The following FAM107B variants were observed in gnomAD, a reference collection of about 807,000 sequenced individuals.
FAM107B encodes protein FAM107B.
FAM107B carries 21 observed loss-of-function variants against 31.5 expected under a neutral mutation model. That is an observed-to-expected ratio of 0.67 (90% CI 0.47 to 0.96). FAM107B has a LOEUF of 0.96. Ranked by LOEUF, FAM107B falls within the 40% of genes least tolerant of loss-of-function variation. The probability of loss-of-function intolerance (pLI) is 0.00; values close to 1 mark genes in which losing one functional copy is unlikely to be tolerated. For synonymous variants in FAM107B, 157 were observed against 141.5 expected, an observed-to-expected ratio of 1.11 and a Z score of -0.78; for missense variants, 452 against 377.1, an observed-to-expected ratio of 1.20 and a Z score of -1.64.
chr10:14,708,389 G>A (rs752598737), intron 1 of FAM107B, among the ~76,000 whole-genome samples: 3 of 152,036 alleles, frequency 2.0e-5, no homozygotes, highest in Non-Finnish European at 4.4e-5. Context: ...CCCACCTTAG[G>A]AGGACTGAAC....
intron 1 of FAM107B, among the ~76,000 whole-genome samples, chr10:14,734,488 G>GTGTTTTTTTTTTTTGTTTTTTTT (rs558940939): frequency 7.2e-6 from 1 of 138,546 alleles, no homozygotes; most frequent in African/African-American, 2.7e-5. Context: ...TTTTTGTGAG[G>GTGTTTTTTTTTTTTGTTTTTTTT]TTTTTTTTTT....
intron 1 of FAM107B, among the ~76,000 whole-genome samples, chr10:14,689,379 CAAA>C: frequency 7.8e-6 from 1 of 128,692 alleles, no homozygotes; most frequent in African/African-American, 2.9e-5. Flanking sequence ...GACCCTATCT[CAAA>C]AAAAAAAAAA....
intron 1 of FAM107B, among the ~76,000 whole-genome samples, chr10:14,759,837 G>T (rs1300149040): frequency 6.6e-6 from 1 of 151,714 alleles, no homozygotes; most frequent in Non-Finnish European, 1.5e-5. Context: ...TCAGCCTCCC[G>T]AGTGTCTGCG....
At chr10:14,557,994 T>C (rs1202739966) in intron 2 of FAM107B, among the ~76,000 whole-genome samples, 1 of 152,256 alleles carries the variant, frequency 6.6e-6, no homozygotes, top group Non-Finnish European at 1.5e-5. Flanking sequence ...CTGTTTAAAA[T>C]GTTTTTAGAA....
intron 2 of FAM107B, among the ~76,000 whole-genome samples, chr10:14,609,695 C>T (rs75301975): frequency 0.01 from 1,576 of 152,296 alleles, 34 homozygotes; most frequent in Non-Finnish European, 0.011. Context: ...TCTGCAAAAT[C>T]CCATCACAGC....
rs1052577837 is a variant in FAM107B, at chr10:14,759,744, C to A, written c.411+14509G>T. 1.6e-4 allele frequency among the ~76,000 whole-genome samples: 24 copies of A among 152,006 alleles called. No homozygotes were observed. The East Asian group carries it at 4.2e-3, about 27-fold the overall frequency. The stretch of plus-strand genomic sequence containing the variant: ...TCTTTTTTTTTAGATGGAGTCTCAC[C>A]TCTGCTGTGCAGGTTGGAGTGCAGT... On this transcript the variant is annotated intron_variant, in intron 1 of 4. Coordinates refer to ENST00000181796, the MANE Select transcript of FAM107B (RefSeq NM_031453.4).
intron 2 of FAM107B, chr10:14,653,848 G>C (rs1030040872): frequency 6.6e-6 from 1 of 152,240 alleles, no homozygotes; most frequent in Non-Finnish European, 1.5e-5. Context: ...GACCCCACAC[G>C]ATCTTACCTG....
At chr10:14,663,244 C>T (rs1854295736) in intron 2 of FAM107B, among the ~76,000 whole-genome samples, 1 of 152,200 alleles carries the variant, frequency 6.6e-6, no homozygotes, top group African/African-American at 2.4e-5. Context: ...TATTGTGGGA[C>T]CTCACCTTGT....
chr10:14,752,037 GTGA>G (rs1832838446), intron 1 of FAM107B, among the ~76,000 whole-genome samples: 1 of 152,168 alleles, frequency 6.6e-6, no homozygotes, highest in Admixed American at 6.5e-5. Flanking sequence ...TTTCCCTATT[GTGA>G]TATTTACTGG....
intron 2 of FAM107B, among the ~76,000 whole-genome samples, chr10:14,583,086 CAAA>C (rs60205603): frequency 8.9e-5 from 5 of 56,358 alleles, no homozygotes; most frequent in Admixed American, 3.9e-4. Flanking sequence ...GACTCTGTCT[CAAA>C]AAAAAAAAAA....
intron 1 of FAM107B, among the ~76,000 whole-genome samples, chr10:14,773,806 C>T (rs988880756): frequency 4.6e-5 from 7 of 152,124 alleles, no homozygotes; most frequent in African/African-American, 1.7e-4. Flanking sequence ...GCTTTGATAT[C>T]ATGTGATTCA....
In FAM107B at chr10:14,696,982, C is replaced by G. The variant is rs146770243; in HGVS notation, c.412-29291G>C. On this transcript the variant is annotated intron_variant, in intron 1 of 4. Transcript: ENST00000181796. Reference sequence around the variant, plus strand: ...TCAACTGTGTCCCCAACCCCCACTACTACGCAACCAGGCCTAACAACTTTA... The same window carrying G: ...TCAACTGTGTCCCCAACCCCCACTAGTACGCAACCAGGCCTAACAACTTTA... 3.4e-3 allele frequency among the ~76,000 whole-genome samples: 525 copies of G among 152,278 alleles called. 5 individuals carry two copies. The highest frequency in any genetic ancestry group is 0.012 in the African/African-American group (492 of 41,554).
chr10:14,548,637 C>A, intron 2 of FAM107B: 1 of 985,442 alleles, frequency 1.0e-6, no homozygotes, highest in Non-Finnish European at 1.2e-6. Flanking sequence ...TCTCCAGCTG[C>A]GAAGGCAGGC....
intron 1 of FAM107B, among the ~76,000 whole-genome samples, chr10:14,686,031 C>G (rs147705008): frequency 6.6e-6 from 1 of 152,052 alleles, no homozygotes; most frequent in African/African-American, 2.4e-5. Context: ...GGGGACCCCA[C>G]CCCCCTGATT....
At chr10:14,765,964 G>A (rs1346486535) in intron 1 of FAM107B, among the ~76,000 whole-genome samples, 1 of 152,204 alleles carries the variant, frequency 6.6e-6, no homozygotes, top group Non-Finnish European at 1.5e-5. Flanking sequence ...GTAGGATGAT[G>A]GGTGATGGGT....
chr10:14,564,773 C>T (rs1850523965), intron 2 of FAM107B, among the ~76,000 whole-genome samples: 1 of 152,208 alleles, frequency 6.6e-6, no homozygotes, highest in African/African-American at 2.4e-5. Context: ...TTTCTAATTA[C>T]TAACAATCCA....
chr10:14,752,260 G>T (rs1832844054), intron 1 of FAM107B, among the ~76,000 whole-genome samples: 1 of 152,192 alleles, frequency 6.6e-6, no homozygotes, highest in South Asian at 2.1e-4. Context: ...TGACTTGAGG[G>T]CTTCTCCCCT....
At chr10:14,560,336 C>T (rs1372992460) in intron 2 of FAM107B, among the ~76,000 whole-genome samples, 3 of 151,952 alleles carry the variant, frequency 2.0e-5, no homozygotes, top group Non-Finnish European at 4.4e-5. Flanking sequence ...AAAAACTAAA[C>T]CAAGATACAT....
At chr10:14,609,034 T>C (rs1192097750) in intron 2 of FAM107B, among the ~76,000 whole-genome samples, 1 of 152,252 alleles carries the variant, frequency 6.6e-6, no homozygotes, top group East Asian at 1.9e-4. Context: ...ACATTGGTAT[T>C]GGCCTCATGG....
Sources: allele counts gnomAD v4.1 joint callset (sites outside exome capture counted in the v4.1 genomes callset), GRCh38; gene constraint gnomAD v4.1.1; transcripts MANE v1.5; gene names NCBI Gene and HGNC (gene_info 2026-07-23, HGNC 2026-07-21).